DCUN1D3: variants seen among roughly 807,000 people sequenced by gnomAD.
The protein encoded by DCUN1D3 is defective in cullin neddylation 1 domain containing 3.
DCUN1D3 carries 6 observed loss-of-function variants against 24.8 expected under a neutral mutation model. The ratio of observed to expected loss-of-function variants is 0.24; its 90% CI spans 0.13 to 0.48. The LOEUF is 0.48. Among genes scored for constraint, DCUN1D3 ranks in the 20% least tolerant of loss-of-function variants. The probability of loss-of-function intolerance (pLI) is 0.99; values close to 1 mark genes in which losing one functional copy is unlikely to be tolerated. For synonymous variants in DCUN1D3, 120 were observed against 144.9 expected (o/e 0.83, Z 1.24); for missense variants, 258 against 379.4 (o/e 0.68, Z 2.66).
chr16:20,881,827 G>A (rs1327913088), intron 1 of DCUN1D3, among the ~76,000 whole-genome samples: 1 of 152,108 alleles, frequency 6.6e-6, no homozygotes, highest in African/African-American at 2.4e-5. Context: ...TTTTGAGACA[G>A]AATCTCACTC....
At chr16:20,865,229 G>GA (rs908409606) in intron 1 of DCUN1D3, among the ~76,000 whole-genome samples, 1 of 151,442 alleles carries the variant, frequency 6.6e-6, no homozygotes, top group Non-Finnish European at 1.5e-5. Context: ...AAAAAAGTGG[G>GA]AAAAAAATAG....
chr16:20,894,911 C>T (rs1426909452), intron 1 of DCUN1D3, among the ~76,000 whole-genome samples: 2 of 152,170 alleles, frequency 1.3e-5, no homozygotes, highest in East Asian at 3.8e-4. Flanking sequence ...TGAGCCACTT[C>T]CAATCTTTTC....
intron 1 of DCUN1D3, among the ~76,000 whole-genome samples, chr16:20,866,434 C>T (rs910131121): frequency 1.3e-5 from 2 of 152,106 alleles, no homozygotes; most frequent in Admixed American, 1.3e-4. Context: ...CCCACCTACC[C>T]CAGGCCACTC....
chr16:20,898,707 G>C (rs994742356), intron 1 of DCUN1D3, among the ~76,000 whole-genome samples: 2 of 152,172 alleles, frequency 1.3e-5, no homozygotes, highest in African/African-American at 4.8e-5. Flanking sequence ...CTCAGTTACA[G>C]AAGGACAGGA....
intron 1 of DCUN1D3, among the ~76,000 whole-genome samples, chr16:20,870,916 T>C (rs2356271): frequency 0.62 from 94,508 of 152,020 alleles, 30,495 homozygotes; most frequent in Non-Finnish European, 0.72. Flanking sequence ...GCTGAGGCGG[T>C]TGTACTGGCA....
At chr16:20,887,906 C>T (rs2081874468) in intron 1 of DCUN1D3, among the ~76,000 whole-genome samples, 1 of 152,238 alleles carries the variant, frequency 6.6e-6, no homozygotes. Flanking sequence ...CCTGTCCCCA[C>T]TGCTAGACTT....
In DCUN1D3 at chr16:20,859,736, A is replaced by G; in HGVS notation, c.*150T>C. The G allele has an allele frequency of 9.2e-7, 1 of 1,084,330 alleles. No homozygotes were observed. Among genetic ancestry groups the G allele is most frequent in the Non-Finnish European group, 1.3e-6 (1 of 788,536 alleles). The allele number at this position is 1,084,330 out of a possible 1,614,324, so 67.2% of individuals were successfully genotyped here. A position where few individuals can be genotyped will look rare whatever the true frequency, so the allele number is the denominator to read the frequency against. On this transcript the variant is annotated 3_prime_UTR_variant, in exon 3 of 3. Coordinates refer to ENST00000324344, the MANE Select transcript of DCUN1D3 (RefSeq NM_173475.4). ...ATGAAGAAAGTGCCTAAAACATGAT[A>G]CAGCATTTTAGAGCCCTTTCAGATA...
chr16:20,893,308 C>T (rs1407859651), intron 1 of DCUN1D3, among the ~76,000 whole-genome samples: 1 of 151,942 alleles, frequency 6.6e-6, no homozygotes, highest in Non-Finnish European at 1.5e-5. Context: ...AAGCAGGTGA[C>T]ACTACAGGTG....
rs775421022 is a variant in DCUN1D3, at chr16:20,860,227, C to A, written c.574G>T (p.Asp192Tyr). 6.2e-7 allele frequency: 1 copy of A among 1,614,196 alleles called. No individual in the cohort carries two copies. The highest frequency in any genetic ancestry group is 8.5e-7 in the Non-Finnish European group (1 of 1,180,040). ...AGTGACCGCTGCCCTTCTTCAGAGT[C>A]CAGGCCAAACTGAAATGTAAACCGG... ...LYRFTFQFGLDSEEGQRSLHR... is the reference protein window; with the variant it reads ...LYRFTFQFGLYSEEGQRSLHR... The change falls in exon 3 of 3, where the codon GAC (aspartate) becomes TAC (tyrosine). Residue 192 changes from aspartate (D) to tyrosine (Y), a missense_variant. Asp to Tyr is a radical substitution (Grantham distance 160). Transcript: ENST00000324344. This position sits in a 1 kb window ranked among gnomAD's most constrained non-coding sequence, Gnocchi z 4.3.
At chr16:20,876,771 T>C (rs2081817829) in intron 1 of DCUN1D3, among the ~76,000 whole-genome samples, 1 of 152,220 alleles carries the variant, frequency 6.6e-6, no homozygotes, top group African/African-American at 2.4e-5. Flanking sequence ...TATTCAGCCA[T>C]AAAAAAGTAT....
At chr16:20,895,601 A>T (rs2081911802) in intron 1 of DCUN1D3, among the ~76,000 whole-genome samples, 2 of 152,230 alleles carry the variant, frequency 1.3e-5, no homozygotes, top group Non-Finnish European at 2.9e-5. Context: ...TACCAAGGGG[A>T]TGTAAATATG....
At chr16:20,884,519 G>A (rs2081859829) in intron 1 of DCUN1D3, among the ~76,000 whole-genome samples, 1 of 152,190 alleles carries the variant, frequency 6.6e-6, no homozygotes, top group Non-Finnish European at 1.5e-5. Flanking sequence ...AAGTAAGGTG[G>A]TCTTATAATT....
At chr16:20,866,214 G>A (rs2081761277) in intron 1 of DCUN1D3, among the ~76,000 whole-genome samples, 2 of 152,198 alleles carry the variant, frequency 1.3e-5, no homozygotes, top group African/African-American at 4.8e-5. Flanking sequence ...ACTGTACCAT[G>A]TGGAGGGCCT....
At position 20,855,003 on chromosome 16, in the gene DCUN1D3, C is replaced by T. The variant is rs149581287; in HGVS notation, c.*4883G>A. The T allele has an allele frequency of 9.3e-4, 142 of 152,034 alleles. No individual in the cohort carries two copies. The highest frequency in any genetic ancestry group is 2.8e-3 in the Admixed American group (43 of 15,248). The allele number at this position is 152,034 out of a possible 1,614,324, so 9.4% of individuals were successfully genotyped here. Reference sequence around the variant, plus strand: ...ACATTAAAGGAAAAAATGTAGACATCAAAGACAAAAATGTGTGTAACAAGT... The same window carrying T: ...ACATTAAAGGAAAAAATGTAGACATTAAAGACAAAAATGTGTGTAACAAGT... On this transcript the variant is annotated 3_prime_UTR_variant, in exon 3 of 3. Transcript: ENST00000324344.
chr16:20,880,191 C>T (rs2152517818), intron 1 of DCUN1D3, among the ~76,000 whole-genome samples: 1 of 152,230 alleles, frequency 6.6e-6, no homozygotes. Context: ...TCATGGCTCC[C>T]AAGCAAATAG....
chr16:20,876,613 A>G (rs2081816919), intron 1 of DCUN1D3, among the ~76,000 whole-genome samples: 1 of 152,196 alleles, frequency 6.6e-6, no homozygotes, highest in Non-Finnish European at 1.5e-5. Flanking sequence ...TATATGTGCA[A>G]AGGAAAGAAA....
chr16:20,899,632 G>T (rs1473325750), intron 1 of DCUN1D3, among the ~76,000 whole-genome samples: 5 of 152,044 alleles, frequency 3.3e-5, no homozygotes, highest in Admixed American at 3.3e-4. Context: ...AGTGCGGGGG[G>T]TGTGGTGGAG....
intron 1 of DCUN1D3, among the ~76,000 whole-genome samples, chr16:20,864,180 T>G (rs1053656456): frequency 6.6e-6 from 1 of 151,914 alleles, no homozygotes; most frequent in African/African-American, 2.4e-5. Flanking sequence ...TATCGAGAGA[T>G]AGCAAATATG....
Position 20,862,494 on chromosome 16 carries a change from C to T in DCUN1D3, c.45G>A (p.Leu15=). The part of the protein sequence containing the change: ...VTKCKNPSST[L]GSKNGDREPS... Reference sequence around the variant, plus strand: ...GCTCACGGTCTCCATTTTTGCTGCCCAGGGTCGATGAGGGATTCTTACACT... The same window carrying T: ...GCTCACGGTCTCCATTTTTGCTGCCTAGGGTCGATGAGGGATTCTTACACT... The change falls in exon 2 of 3, where the codon CTG becomes CTA. Residue 15 remains leucine, a synonymous_variant. Coordinates refer to ENST00000324344, the MANE Select transcript of DCUN1D3 (RefSeq NM_173475.4). 6.2e-7 allele frequency: 1 copy of T among 1,610,120 alleles called. No homozygotes were observed. Among genetic ancestry groups the T allele is most frequent in the South Asian group, 1.1e-5 (1 of 91,078 alleles).
Sources: allele counts gnomAD v4.1 joint callset (sites outside exome capture counted in the v4.1 genomes callset), GRCh38; gene constraint gnomAD v4.1.1; non-coding constraint Gnocchi (gnomAD v3.1); transcripts MANE v1.5; gene names NCBI Gene and HGNC (gene_info 2026-07-23, HGNC 2026-07-21).